PRXL2C: variants seen among roughly 807,000 people sequenced by gnomAD.
PRXL2C encodes peroxiredoxin-like 2C.
In PRXL2C, 38 loss-of-function variants were observed where a neutral mutation model predicts 24.9. That is an observed-to-expected ratio of 1.53 (90% confidence interval 1.18 to 2.00). The LOEUF is 2.00. Ranked by LOEUF, PRXL2C falls within the 30% of genes most tolerant of loss-of-function variation. The pLI is 0.00. For synonymous variants in PRXL2C, 98 were observed against 117.2 expected (o/e 0.84, Z 1.06); for missense variants, 294 against 290.9 (o/e 1.01, Z -0.08).
chr9:96,653,503 C>T (rs1206757504), intron 2 of PRXL2C, among the ~76,000 whole-genome samples: 1 of 152,124 alleles, frequency 6.6e-6, no homozygotes, highest in Non-Finnish European at 1.5e-5. Context: ...AGAGGAATAA[C>T]TTTTAGAGAT....
At chr9:96,645,795 T>C in intron 5 of PRXL2C, 98 bp downstream of exon 5, 1 of 1,239,946 alleles carries the variant, frequency 8.1e-7, no homozygotes, top group Non-Finnish European at 1.1e-6. Flanking sequence ...AGACTCCCTC[T>C]CGAAAAAAAA....
intron 4 of PRXL2C, among the ~76,000 whole-genome samples, chr9:96,646,497 T>G (rs376420659): frequency 6.6e-6 from 1 of 152,368 alleles, no homozygotes; most frequent in African/African-American, 2.4e-5. Flanking sequence ...AGAGACATTG[T>G]GACACAGACT....
chr9:96,652,977 C>T (rs1280850612), intron 2 of PRXL2C, among the ~76,000 whole-genome samples: 1 of 152,136 alleles, frequency 6.6e-6, no homozygotes, highest in African/African-American at 2.4e-5. Context: ...CCTGTAATCC[C>T]AGCACTTTGG....
Position 96,646,394 on chromosome 9 carries a change from T to C in PRXL2C, c.422-370A>G, listed in dbSNP as rs1848201791. 2.0e-5 allele frequency among the ~76,000 whole-genome samples: 3 copies of C among 152,324 alleles called. No homozygotes were observed. The South Asian group carries it at 6.2e-4, about 32-fold the overall frequency. Reference sequence around the variant, plus strand: ...TTCTGCCACAGAAAAATGTCAACTATCGACTTCTCAAATTAGCAGTGCTTT... The same window carrying C: ...TTCTGCCACAGAAAAATGTCAACTACCGACTTCTCAAATTAGCAGTGCTTT... On this transcript the variant is annotated intron_variant, in intron 4 of 5. Coordinates refer to ENST00000375234, the MANE Select transcript of PRXL2C (RefSeq NM_153698.2).
chr9:96,655,005 A>G, intron 1 of PRXL2C, 85 bp downstream of exon 1: 1 of 1,377,804 alleles, frequency 7.3e-7, no homozygotes, highest in Non-Finnish European at 9.4e-7. Flanking sequence ...TTTCCGTCCT[A>G]AGAAGCAGGA....
At chr9:96,652,414 T>C (rs915025668) in intron 2 of PRXL2C, among the ~76,000 whole-genome samples, 1 of 151,080 alleles carries the variant, frequency 6.6e-6, no homozygotes, top group African/African-American at 2.4e-5. Context: ...CCAGCTACTC[T>C]GGAGGCTGAG....
chr9:96,655,183 G>T lies in PRXL2C; in HGVS notation c.99C>A (p.Ala33=). The T allele has an allele frequency of 8.2e-7, 1 of 1,217,146 alleles. No individual in the cohort carries two copies. Among genetic ancestry groups the T allele is most frequent in the African/African-American group, 1.6e-5 (1 of 62,990 alleles). The allele number at this position is 1,217,146 out of a possible 1,614,324, so 75.4% of individuals were successfully genotyped here. Residue 33 remains alanine, a synonymous_variant, in exon 1 of 6, where the codon GCC becomes GCA. Transcript: ENST00000375234. ...GPDSGQPLAA[A]VAELPVLDAR... is the part of the protein sequence containing the mutation. ...CGTCCAGCACCGGCAGCTCGGCCACGGCGGCCGCCAGGGGCTGCCCGCTGT... is the reference window on the plus strand; with the variant it reads ...CGTCCAGCACCGGCAGCTCGGCCACTGCGGCCGCCAGGGGCTGCCCGCTGT...
chr9:96,644,267 C>T (rs1044577123), intron 5 of PRXL2C, among the ~76,000 whole-genome samples: 1 of 151,976 alleles, frequency 6.6e-6, no homozygotes, highest in Non-Finnish European at 1.5e-5. Flanking sequence ...GTGATTTAGG[C>T]TTTTGGGCCC....
intron 5 of PRXL2C, among the ~76,000 whole-genome samples, chr9:96,645,260 A>T (rs1848181134): frequency 6.6e-6 from 1 of 151,832 alleles, no homozygotes; most frequent in Non-Finnish European, 1.5e-5. Flanking sequence ...CTATTCAGAA[A>T]TGTTCATCTC....
At chr9:96,654,953 C>A in intron 1 of PRXL2C, 137 bp downstream of exon 1, 2 of 1,229,686 alleles carry the variant, frequency 1.6e-6, no homozygotes, top group Non-Finnish European at 2.1e-6. Context: ...CCTGCCCCGC[C>A]CTAGTTGGGA....
intron 5 of PRXL2C, among the ~76,000 whole-genome samples, chr9:96,643,410 C>A (rs1848145792): frequency 6.6e-6 from 1 of 152,154 alleles, no homozygotes; most frequent in African/African-American, 2.4e-5. Flanking sequence ...CCATACCCGG[C>A]TAATTTTTTA....
At chr9:96,645,109 C>T (rs1006501538) in intron 5 of PRXL2C, among the ~76,000 whole-genome samples, 5 of 151,274 alleles carry the variant, frequency 3.3e-5, no homozygotes, top group Non-Finnish European at 7.4e-5. Context: ...CGGGGTTTCA[C>T]CGTGTTAGCC....
chr9:96,651,633 A>C (rs765752367), intron 3 of PRXL2C, 26 bp downstream of exon 3: 17 of 1,587,444 alleles, frequency 1.1e-5, no homozygotes, highest in Non-Finnish European at 1.5e-5. Flanking sequence ...TTTATTCATT[A>C]GTCTCCCAAT....
Position 96,646,011 on chromosome 9 carries a change from G to A in PRXL2C, c.435C>T (p.His145=). 6.2e-7 allele frequency: 1 copy of A among 1,611,204 alleles called. No homozygotes were observed. Among genetic ancestry groups the A allele is most frequent in the Non-Finnish European group, 8.5e-7 (1 of 1,179,132 alleles). Residue 145 remains histidine, a synonymous_variant, in exon 5 of 6, where the codon CAC becomes CAT. Coordinates refer to ENST00000375234, the MANE Select transcript of PRXL2C (RefSeq NM_153698.2). The part of the protein sequence containing the change: ...EEIASSGQSP[H]IKSNLLSGSL... ...TTCCTGAGAGTAGATTTGATTTTAT[G>A]TGGGGGCTCTGTCCTGAAATGTCGA...
chr9:96,652,621 C>T (rs1242819638), intron 2 of PRXL2C, among the ~76,000 whole-genome samples: 5 of 151,884 alleles, frequency 3.3e-5, no homozygotes, highest in Non-Finnish European at 4.4e-5. Flanking sequence ...ATGATATAAC[C>T]TCACACTTGT....
At chr9:96,654,910 C>G in intron 1 of PRXL2C, 137 bp from the exon 2 acceptor site, 2 of 1,197,746 alleles carry the variant, frequency 1.7e-6, no homozygotes, top group South Asian at 1.8e-5. Flanking sequence ...GGGCGCCCGG[C>G]GCGTGGGAAG....
chr9:96,651,325 G>T, intron 4 of PRXL2C, 65 bp downstream of exon 4: 1 of 1,142,982 alleles, frequency 8.7e-7, no homozygotes, highest in Non-Finnish European at 1.3e-6. Context: ...GTTTCCCTAT[G>T]CATATATACA....
chr9:96,651,734 T>C (rs1229121457), intron 2 of PRXL2C, 22 bp from the exon 3 acceptor site: 3 of 1,580,466 alleles, frequency 1.9e-6, no homozygotes, highest in Non-Finnish European at 2.6e-6. Context: ...AAAAAGGACA[T>C]GTATATATCA....
At chr9:96,654,862 A>C in intron 1 of PRXL2C, 89 bp from the exon 2 acceptor site, 2 of 1,370,654 alleles carry the variant, frequency 1.5e-6, no homozygotes, top group South Asian at 2.8e-5. Flanking sequence ...GCGTGACGCG[A>C]GCAAAGGCGA....
Sources: allele counts gnomAD v4.1 joint callset (sites outside exome capture counted in the v4.1 genomes callset), GRCh38; gene constraint gnomAD v4.1.1; transcripts MANE v1.5; gene names NCBI Gene and HGNC (gene_info 2026-07-23, HGNC 2026-07-21).